The following PCDHA6 variants were observed in gnomAD, a reference collection of about 807,000 sequenced individuals.
PCDHA6 encodes the protein protocadherin alpha 6.
In PCDHA6, 55 loss-of-function variants were observed where a neutral mutation model predicts 60.3. The observed-to-expected ratio is 0.91, with a 90% CI of 0.73 to 1.14. The LOEUF is 1.14. Among genes scored for constraint, PCDHA6 ranks in the 50% most tolerant of loss-of-function variants. The probability of loss-of-function intolerance (pLI) is 0.00; values close to 1 mark genes in which losing one functional copy is unlikely to be tolerated. For synonymous variants in PCDHA6, 652 were observed against 557.9 expected (o/e 1.17, Z -2.38); for missense variants, 1,327 against 1,256.5 (o/e 1.06, Z -0.85).
chr5:140,949,659 T>A (rs940241933), intron 1 of PCDHA6, among the ~76,000 whole-genome samples: 12 of 151,994 alleles, frequency 7.9e-5, no homozygotes, highest in Middle Eastern at 6.8e-3. Context: ...TACTTTTGTT[T>A]CTTTAAAGTA....
intron 1 of PCDHA6, chr5:140,860,456 A>T (rs2046407427): frequency 6.6e-6 from 1 of 152,196 alleles, no homozygotes; most frequent in Non-Finnish European, 1.5e-5. Context: ...AATTCACGTG[A>T]TAATACAGTT....
Position 140,914,027 on chromosome 5 carries a change from T to G in PCDHA6, c.2395-64922T>G, listed in dbSNP as rs188298966. Among the ~76,000 whole-genome samples the G allele has an allele frequency of 8.0e-3, 1,214 of 152,300 alleles. 6 individuals carry two copies. Among genetic ancestry groups the G allele is most frequent in the African/African-American group, 0.019 (784 of 41,574 alleles). On this transcript the variant is annotated intron_variant, in intron 1 of 3. Coordinates refer to ENST00000529310, the MANE Select transcript of PCDHA6 (RefSeq NM_018909.4). ...CTATCTTTGAGAATGATCCACGTGCTGAGAAGAATGTGTATTCTGCAGCTG... is the reference window on the plus strand; with the variant it reads ...CTATCTTTGAGAATGATCCACGTGCGGAGAAGAATGTGTATTCTGCAGCTG...
intron 1 of PCDHA6, chr5:140,882,292 C>G (rs2059050033): frequency 1.2e-6 from 2 of 1,613,422 alleles, no homozygotes; most frequent in African/African-American, 1.3e-5. Flanking sequence ...GGCAAGGAGG[C>G]CCAAGACCGC....
chr5:140,980,608 G>A (rs994415170), intron 2 of PCDHA6, among the ~76,000 whole-genome samples: 6 of 151,850 alleles, frequency 4.0e-5, no homozygotes, highest in African/African-American at 7.3e-5. Context: ...CCAGCCTGGC[G>A]ACAGTGCGAG....
In PCDHA6 at chr5:140,836,627, G is replaced by A. The variant is rs1580852478; in HGVS notation, c.2394+6142G>A. 7 of 1,613,588 alleles carry A rather than the reference G, an allele frequency of 4.3e-6. No individual in the cohort carries two copies. In the East Asian group the frequency reaches 1.3e-4, roughly 31 times the overall value. On this transcript the variant is annotated intron_variant, in intron 1 of 3. Coordinates refer to ENST00000529310, the MANE Select transcript of PCDHA6 (RefSeq NM_018909.4). ...TGTGCTCCAGCGCGGTGGGGAGCTG[G>A]TCATTCTCCCAGCAGAGGCGGCAGA...
intron 2 of PCDHA6, 73 bp downstream of exon 2, chr5:140,979,080 A>T: frequency 1.3e-6 from 2 of 1,572,720 alleles, no homozygotes; most frequent in Non-Finnish European, 1.7e-6. Context: ...GCATCTCCAT[A>T]GGCCAGAAGC....
intron 1 of PCDHA6, among the ~76,000 whole-genome samples, chr5:140,890,111 A>G (rs1365246358): frequency 6.6e-6 from 1 of 152,194 alleles, no homozygotes; most frequent in Admixed American, 6.5e-5. Context: ...TCTGGATTCA[A>G]TGATGTCACT....
intron 1 of PCDHA6, among the ~76,000 whole-genome samples, chr5:140,977,523 C>G (rs1393138256): frequency 2.0e-5 from 3 of 152,070 alleles, no homozygotes; most frequent in African/African-American, 7.2e-5. Flanking sequence ...AACTTGAAAA[C>G]AAAGGAGGAA....
At chr5:140,940,822 A>G (rs1446773813) in intron 1 of PCDHA6, among the ~76,000 whole-genome samples, 9 of 152,200 alleles carry the variant, frequency 5.9e-5, no homozygotes, top group Admixed American at 3.9e-4. Context: ...GAGATCTTGG[A>G]TGGAAATACC....
rs2150499479 is a variant in PCDHA6 at position 140,850,817 on chromosome 5, G to A, written c.2394+20332G>A. 3 of 1,598,296 alleles carry A rather than the reference G, an allele frequency of 1.9e-6. 1 individual carries two copies. The highest frequency in any genetic ancestry group is 2.6e-6 in the Non-Finnish European group (3 of 1,167,646). On this transcript the variant is annotated intron_variant, in intron 1 of 3. Transcript: ENST00000529310. ...AGACCGACCTCATGGCCTTCAGCCC[G>A]GGCCTTTCTCCTTGTGCTGGATCTA... is the stretch of plus-strand genomic sequence containing the variant.
intron 1 of PCDHA6, chr5:140,876,863 T>C (rs1225401565): frequency 4.3e-6 from 7 of 1,613,806 alleles, no homozygotes; most frequent in Non-Finnish European, 5.1e-6. Flanking sequence ...ACAGTGTTCG[T>C]GAAGGAGAAC....
Position 141,010,456 on chromosome 5 carries a change from TATC to T in PCDHA6, c.*521_*523del. The T allele has an allele frequency of 1.1e-6, 1 of 877,088 alleles. No individual in the cohort carries two copies. The highest frequency in any genetic ancestry group is 3.0e-5 in the Admixed American group (1 of 33,582). The allele number at this position is 877,088 out of a possible 1,614,324, so 54.3% of individuals were successfully genotyped here. On this transcript the variant is annotated 3_prime_UTR_variant, in exon 4 of 4. Transcript: ENST00000529310. ...ACAAAGACAAATAAACAGCGGAAGT[TATC>T]AGTATGGAGGGGAAGTGTAAACTTA... is the stretch of plus-strand genomic sequence containing the variant.
rs2054518116 is a variant in PCDHA6, at chr5:140,873,832, T to G, written c.2394+43347T>G. Among the ~76,000 whole-genome samples, 4 of 152,260 alleles carry G rather than the reference T, an allele frequency of 2.6e-5. No homozygotes were observed. In the South Asian group the frequency reaches 8.3e-4, roughly 32 times the overall value. On this transcript the variant is annotated intron_variant, in intron 1 of 3. Transcript: ENST00000529310. ...TGCACCACCACTCCTGGCTAATTTT[T>G]GTATTTTTAGTAGAGATGGGTTTTC...
chr5:140,835,883 C>G lies in PCDHA6; in HGVS notation c.2394+5398C>G, dbSNP rs2150247387. On this transcript the variant is annotated intron_variant, in intron 1 of 3. Transcript: ENST00000529310. ...ACTCGCTGGTGGAGCTGCGGGTGGG[C>G]GAGCGCGCGCTGTCGAGCTACGTGT... 3.1e-6 allele frequency: 5 copies of G among 1,611,944 alleles called. No homozygotes were observed. In the Admixed American group the frequency reaches 5.0e-5, roughly 16 times the overall value.
At chr5:140,966,845 C>A in intron 1 of PCDHA6, 1 of 1,570,444 alleles carries the variant, frequency 6.4e-7, no homozygotes, top group Non-Finnish European at 8.6e-7. Flanking sequence ...GCTGCTACTG[C>A]CTCTCCTGCT....
intron 1 of PCDHA6, chr5:140,884,052 G>A (rs200938440): frequency 8.7e-6 from 14 of 1,613,472 alleles, no homozygotes; most frequent in African/African-American, 4.0e-5. Context: ...GCGAAGGTGC[G>A]CGCGGTGGAC....
In PCDHA6 at chr5:140,898,801, A is replaced by T. The variant is rs1275933236; in HGVS notation, c.2394+68316A>T. The stretch of plus-strand genomic sequence containing the variant: ...TGGGCAGTATGGCCATTTTCACGAT[A>T]CTGATTCTTCCTACCCATGAGCATG... On this transcript the variant is annotated intron_variant, in intron 1 of 3. Coordinates refer to ENST00000529310, the MANE Select transcript of PCDHA6 (RefSeq NM_018909.4). Among the ~76,000 whole-genome samples the T allele has an allele frequency of 1.3e-5, 2 of 152,200 alleles. 1 individual carries two copies. The highest frequency in any genetic ancestry group is 3.8e-4 in the East Asian group (2 of 5,198).
intron 3 of PCDHA6, among the ~76,000 whole-genome samples, chr5:140,993,888 G>A (rs1196429613): frequency 6.6e-6 from 1 of 152,140 alleles, no homozygotes; most frequent in African/African-American, 2.4e-5. Flanking sequence ...GCTCTATGAT[G>A]TCCATACAAC....
At chr5:140,856,393 T>A in intron 1 of PCDHA6, 1 of 1,598,412 alleles carries the variant, frequency 6.3e-7, no homozygotes, top group African/African-American at 1.3e-5. Flanking sequence ...CGCTGCAGGT[T>A]TTCCATGTGG....
Sources: allele counts gnomAD v4.1 joint callset (sites outside exome capture counted in the v4.1 genomes callset), GRCh38; gene constraint gnomAD v4.1.1; transcripts MANE v1.5; gene names NCBI Gene and HGNC (gene_info 2026-07-23, HGNC 2026-07-21).